Variants in SH3PXD2B observed in about 807,000 individuals in gnomAD.
SH3PXD2B encodes SH3 and PX domains 2B.
SH3PXD2B carries 37 observed loss-of-function variants against 73.1 expected under a neutral mutation model. That is an observed-to-expected ratio of 0.51 (90% CI 0.39 to 0.67). The LOEUF (loss-of-function observed/expected upper bound fraction) is 0.67. SH3PXD2B is among the 30% of genes least tolerant of loss of function. The pLI, the probability that SH3PXD2B is intolerant of heterozygous loss-of-function variation, is 0.00. For synonymous variants in SH3PXD2B, 457 were observed against 480.5 expected (o/e 0.95, Z 0.64); for missense variants, 1,053 against 1,197.8 (o/e 0.88, Z 1.78).
chr5:172,372,231 A>G (rs1291138262), intron 6 of SH3PXD2B, among the ~76,000 whole-genome samples: 1 of 152,098 alleles, frequency 6.6e-6, no homozygotes, highest in African/African-American at 2.4e-5. Context: ...TGATTGGATC[A>G]TGGGGGTGGG....
chr5:172,326,208 C>A (rs536220366), intron 12 of SH3PXD2B, among the ~76,000 whole-genome samples: 1 of 152,272 alleles, frequency 6.6e-6, no homozygotes, highest in East Asian at 1.9e-4. Context: ...CTAACATGCA[C>A]CACCCAACCC....
chr5:172,419,891 G>A (rs187814809), intron 2 of SH3PXD2B, among the ~76,000 whole-genome samples: 147 of 152,306 alleles, frequency 9.7e-4, no homozygotes, highest in Non-Finnish European at 1.9e-3. Context: ...GACCCTCACT[G>A]CACAAAAAGT....
chr5:172,397,170 C>CT (rs1487765643), intron 3 of SH3PXD2B, among the ~76,000 whole-genome samples: 1 of 152,078 alleles, frequency 6.6e-6, no homozygotes, highest in African/African-American at 2.4e-5. Flanking sequence ...CTGGGAACGT[C>CT]TGTCTTTTAT....
intron 4 of SH3PXD2B, among the ~76,000 whole-genome samples, chr5:172,386,387 T>C (rs998664481): frequency 3.3e-5 from 5 of 152,044 alleles, no homozygotes; most frequent in African/African-American, 1.2e-4. Context: ...TAAATGACAA[T>C]ATCTTGGCTA....
chr5:172,331,500 T>A (rs1365747287), downstream of SH3PXD2B, among the ~76,000 whole-genome samples: 1 of 152,164 alleles, frequency 6.6e-6, no homozygotes, highest in Non-Finnish European at 1.5e-5. Flanking sequence ...GTGGCCCAAA[T>A]AATACTGAAT....
chr5:172,386,785 G>A (rs984276268), intron 4 of SH3PXD2B, among the ~76,000 whole-genome samples: 3 of 151,986 alleles, frequency 2.0e-5, no homozygotes, highest in Non-Finnish European at 4.4e-5. Flanking sequence ...GCACCACCAC[G>A]CCTGGCTAAT....
intron 5 of SH3PXD2B, among the ~76,000 whole-genome samples, chr5:172,376,722 T>C (rs1046865238): frequency 1.3e-5 from 2 of 152,228 alleles, no homozygotes; most frequent in African/African-American, 2.4e-5. Flanking sequence ...CAGAGTGGAA[T>C]GTCCTAGCTC....
At chr5:172,443,113 A>T (rs1759584200) in intron 1 of SH3PXD2B, among the ~76,000 whole-genome samples, 1 of 152,268 alleles carries the variant, frequency 6.6e-6, no homozygotes, top group Non-Finnish European at 1.5e-5. Context: ...TTATGACTAT[A>T]TGTACGTTTT....
chr5:172,400,279 A>T (rs1232035605), intron 3 of SH3PXD2B, among the ~76,000 whole-genome samples: 1 of 152,226 alleles, frequency 6.6e-6, no homozygotes, highest in Non-Finnish European at 1.5e-5. Context: ...GTTAACTCAC[A>T]TGCAGTAATA....
intron 1 of SH3PXD2B, among the ~76,000 whole-genome samples, chr5:172,429,722 G>C (rs996710035): frequency 6.6e-6 from 1 of 152,162 alleles, no homozygotes; most frequent in Admixed American, 6.5e-5. Flanking sequence ...CAGCAGGCCA[G>C]GCTAACACTT....
At position 172,326,437 on chromosome 5, in the gene SH3PXD2B, G is replaced by A. The variant is rs80015468; in HGVS notation, c.1189-1057C>T. On this transcript the variant is annotated intron_variant, in intron 12 of 12. Transcript: ENST00000519643. ...AAACAGCTTGTTAATTGAAGGCTTC[G>A]GAGTCTTTAATGTGCTGGTGTGTGG... Among the ~76,000 whole-genome samples the A allele has an allele frequency of 5.3e-5, 8 of 152,226 alleles. No homozygotes were observed. The East Asian group carries it at 1.4e-3, about 26-fold the overall frequency.
chr5:172,350,447 C>A lies in SH3PXD2B; in HGVS notation c.928G>T (p.Val310Leu). The A allele has an allele frequency of 6.2e-7, 1 of 1,614,134 alleles. No homozygotes were observed. Among genetic ancestry groups the A allele is most frequent in the South Asian group, 1.1e-5 (1 of 91,086 alleles). Residue 310 changes from valine (V) to leucine (L), a missense_variant, in exon 10 of 13, where the codon GTG becomes TTG. This residue lies in a region of SH3PXD2B where 466 missense variants were observed against 607.1 expected (regional missense o/e 0.77). Coordinates refer to ENST00000311601, the MANE Select transcript of SH3PXD2B (RefSeq NM_001017995.3). The part of the protein sequence containing the change: ...LDGVSRQQNA[V>L]GREKELLSSQ... ...CTGAGCAGCTCCTTCTCCCTGCCCA[C>A]CGCGTTCTGCTGCCGGGAAACACCA...
chr5:172,423,222 G>GCCC (rs1759013006), intron 1 of SH3PXD2B, among the ~76,000 whole-genome samples: 1 of 152,200 alleles, frequency 6.6e-6, no homozygotes, highest in East Asian at 1.9e-4. Flanking sequence ...GCCTTTGGTG[G>GCCC]CCCCGGACAC....
intron 1 of SH3PXD2B, among the ~76,000 whole-genome samples, chr5:172,432,985 T>C (rs1759288825): frequency 6.6e-6 from 1 of 151,630 alleles, no homozygotes; most frequent in Non-Finnish European, 1.5e-5. Flanking sequence ...TTTGTGTGTC[T>C]GTACACACAC....
At chr5:172,403,424 G>A (rs1046314498) in intron 3 of SH3PXD2B, among the ~76,000 whole-genome samples, 6 of 152,146 alleles carry the variant, frequency 3.9e-5, no homozygotes, top group African/African-American at 7.2e-5. Context: ...CCTCACCCTC[G>A]GCCTTGAGGA....
Position 172,430,549 on chromosome 5 carries a change from A to T in SH3PXD2B, c.76-8053T>A, listed in dbSNP as rs538070321. On this transcript the variant is annotated intron_variant, in intron 1 of 12. Transcript: ENST00000311601. ...GAGCCATTATCTGACCCAAATGCCA[A>T]CTGCCACACACTTGAGAGCCTGACT... is the stretch of plus-strand genomic sequence containing the variant. Among the ~76,000 whole-genome samples, 14 of 152,362 alleles carry T rather than the reference A, an allele frequency of 9.2e-5. No individual in the cohort carries two copies. In the East Asian group the frequency reaches 2.7e-3, roughly 29 times the overall value.
rs1756671409 is a variant in SH3PXD2B at position 172,335,660 on chromosome 5, C to T, written c.*2709G>A. ...TGGACACTTTCTAGAGCCATGACTC[C>T]AGGGGAGTTCTGCATATGCGCCATC... is the stretch of plus-strand genomic sequence containing the variant. On this transcript the variant is annotated 3_prime_UTR_variant, in exon 13 of 13. Transcript: ENST00000311601. 8.1e-7 allele frequency: 1 copy of T among 1,231,790 alleles called. No homozygotes were observed. Among genetic ancestry groups the T allele is most frequent in the South Asian group, 4.1e-5 (1 of 24,320 alleles). The allele number at this position is 1,231,790 out of a possible 1,614,324, so 76.3% of individuals were successfully genotyped here.
rs74699218 is a variant in SH3PXD2B, at chr5:172,365,066, C to G, written c.428-2197G>C. ...GCCCATGCTCTGGCCACTCCCCCTC[C>G]CTGCCTGAGGGTAACAGGGAAATGG... On this transcript the variant is annotated intron_variant, in intron 6 of 12. Coordinates refer to ENST00000311601, the MANE Select transcript of SH3PXD2B (RefSeq NM_001017995.3). Among the ~76,000 whole-genome samples the G allele has an allele frequency of 2.8e-4, 42 of 152,316 alleles. 1 individual carries two copies. In the South Asian group the frequency reaches 7.5e-3, roughly 27 times the overall value.
intron 1 of SH3PXD2B, among the ~76,000 whole-genome samples, chr5:172,442,584 C>T (rs1759572164): frequency 6.6e-6 from 1 of 152,154 alleles, no homozygotes; most frequent in Non-Finnish European, 1.5e-5. Flanking sequence ...AAAACAGCTA[C>T]AAATTTTAAG....
Sources: gnomAD v4.1 joint callset for allele counts (sites outside exome capture counted in the v4.1 genomes callset) on GRCh38, gnomAD v4.1.1 for gene constraint, gnomAD v4.1.1 regional missense constraint, MANE v1.5 for transcripts, NCBI Gene and HGNC (gene_info 2026-07-23, HGNC 2026-07-21) for gene names.